The following ITGAE variants were observed in gnomAD, a reference collection of about 807,000 sequenced individuals.
The protein encoded by ITGAE is integrin subunit alpha E, also known as integrin alpha-E.
ITGAE carries 99 observed loss-of-function variants against 136.5 expected under a neutral mutation model. The observed-to-expected ratio is 0.73, with a 90% CI of 0.62 to 0.86. ITGAE has a LOEUF of 0.86. ITGAE is among the 40% of genes least tolerant of loss of function. The pLI is 0.00. For missense variants in ITGAE, 1,447 were observed against 1,515.3 expected (o/e 0.95, Z 0.75); for synonymous variants, 613 against 591.8 (o/e 1.04, Z -0.52).
At chr17:3,725,516 A>G in intron 26 of ITGAE, 1 of 1,614,192 alleles carries the variant, frequency 6.2e-7, no homozygotes, top group Non-Finnish European at 8.5e-7. Context: ...CCCATCAGAA[A>G]ACCTTTGAGG....
At chr17:3,772,786 C>T (rs946398824) in intron 2 of ITGAE, among the ~76,000 whole-genome samples, 1 of 152,060 alleles carries the variant, frequency 6.6e-6, no homozygotes, top group Non-Finnish European at 1.5e-5. Context: ...TTGACTGCAC[C>T]GATGAAACCA....
At chr17:3,784,376 C>T in intron 1 of ITGAE, 1 of 307,490 alleles carries the variant, frequency 3.3e-6, no homozygotes, top group Non-Finnish European at 6.2e-6. Context: ...AAACTCTGTA[C>T]CCAACAATGG....
In ITGAE at chr17:3,743,487, A is replaced by T. The variant is rs764596023; in HGVS notation, c.2448+2T>A. On this transcript the variant is annotated splice_donor_variant, in intron 19 of 30. Coordinates refer to ENST00000263087, the MANE Select transcript of ITGAE (RefSeq NM_002208.5). LOFTEE classifies it high-confidence loss of function. ...CTGGGTACTGGCTGTGGGTAGAGTC[A>T]CCTGGAAGATGGCAAAGGGCTCAGT... The T allele has an allele frequency of 6.3e-7, 1 of 1,591,108 alleles. No homozygotes were observed. The highest frequency in any genetic ancestry group is 1.1e-5 in the South Asian group (1 of 87,842).
In ITGAE at chr17:3,767,093, T is replaced by G. The variant is rs547497012; in HGVS notation, c.156-3133A>C. Among the ~76,000 whole-genome samples, 12 of 142,704 alleles carry G rather than the reference T, an allele frequency of 8.4e-5. No homozygotes were observed. In the East Asian group the frequency reaches 2.4e-3, roughly 28 times the overall value. The allele number at this position is 142,704 out of a possible 152,430, so 93.6% of individuals were successfully genotyped here. ...CCTGTTGGTTCTCTCTCCAAATTCT[T>G]TTTTTTTTTTTTCTTTTTTTGAGAT... is the stretch of plus-strand genomic sequence containing the variant. On this transcript the variant is annotated intron_variant, in intron 2 of 30. Transcript: ENST00000263087.
chr17:3,745,686 G>T, intron 18 of ITGAE, 78 bp downstream of exon 18: 1 of 1,358,994 alleles, frequency 7.4e-7, no homozygotes. Context: ...CTGGGTATGT[G>T]CCCTTCACTG....
chr17:3,796,073 GTGCATCCCTGTGTA>G (rs2053082498), intron 1 of ITGAE, among the ~76,000 whole-genome samples: 1 of 133,696 alleles, frequency 7.5e-6, no homozygotes, highest in Admixed American at 7.4e-5. Flanking sequence ...ATCCGTGTTT[GTGCATCCCTGTGTA>G]TGCATCCGTG....
At chr17:3,734,215 C>T (rs1262071143) in intron 21 of ITGAE, among the ~76,000 whole-genome samples, 1 of 146,648 alleles carries the variant, frequency 6.8e-6, no homozygotes, top group Admixed American at 7.0e-5. Flanking sequence ...GGACTACAGG[C>T]ACCCGCCATC....
intron 1 of ITGAE, among the ~76,000 whole-genome samples, chr17:3,796,121 C>G (rs80153256): frequency 0.71 from 92,559 of 131,104 alleles, 33,476 homozygotes; most frequent in Admixed American, 0.79. Context: ...GTGTGCATCC[C>G]TGTGTGTGCA....
chr17:3,780,004 G>A (rs568670350), intron 1 of ITGAE, among the ~76,000 whole-genome samples: 23 of 151,832 alleles, frequency 1.5e-4, no homozygotes, highest in Middle Eastern at 6.8e-3. Flanking sequence ...ATGGAGTTTC[G>A]CTCTTGTTGC....
intron 8 of ITGAE, 123 bp downstream of exon 8, chr17:3,759,279 G>T: frequency 1.8e-6 from 2 of 1,137,214 alleles, no homozygotes; most frequent in Non-Finnish European, 2.5e-6. Context: ...TTCTCTCTCG[G>T]CCAGGGAAAG....
chr17:3,757,937 A>C, intron 8 of ITGAE, 78 bp from the exon 9 acceptor site: 10 of 1,510,588 alleles, frequency 6.6e-6, no homozygotes, highest in Non-Finnish European at 7.3e-6. Context: ...TTATTCTCTG[A>C]CCTGTATTAG....
rs1246116685 is a variant in ITGAE at position 3,755,802 on chromosome 17, C to G, written c.1239+28G>C. On this transcript the variant is annotated intron_variant, in intron 11 of 30. Coordinates refer to ENST00000263087, the MANE Select transcript of ITGAE (RefSeq NM_002208.5). ...CCTGGGCCCCTCACCAATGGGCAAG[C>G]CTGCCTGGTGCTGAGTCAGCCACGT... 6.4e-6 allele frequency: 10 copies of G among 1,567,600 alleles called. No individual in the cohort carries two copies. The East Asian group carries it at 9.3e-5, about 15-fold the overall frequency.
chr17:3,723,931 C>G (rs751271921), intron 26 of ITGAE, 187 bp from the exon 27 acceptor site: 6 of 1,541,670 alleles, frequency 3.9e-6, no homozygotes, highest in South Asian at 2.4e-5. Flanking sequence ...TGGCGGGTGC[C>G]GGCCATGGCG....
intron 5 of ITGAE, 71 bp from the exon 6 acceptor site, chr17:3,761,248 G>A (rs867307739): frequency 1.3e-5 from 21 of 1,567,706 alleles, no homozygotes; most frequent in African/African-American, 4.1e-5. Context: ...CTCACACATG[G>A]TTCTGCCCTG....
In ITGAE at chr17:3,759,973, G is replaced by A. The variant is rs115487226; in HGVS notation, c.714+199C>T. ...CAGACAAGTAAGTGAGGTCATCTTA[G>A]GCCATCCAGCCCCAGTCAAGCAACC... On this transcript the variant is annotated intron_variant, in intron 7 of 30. Transcript: ENST00000263087. Among the ~76,000 whole-genome samples the A allele has an allele frequency of 1.6e-3, 247 of 152,278 alleles. 2 individuals carry two copies. Among genetic ancestry groups the A allele is most frequent in the African/African-American group, 5.8e-3 (239 of 41,556 alleles).
rs1328045362 is a variant in ITGAE at position 3,731,080 on chromosome 17, T to C, written c.2834+24A>G. On this transcript the variant is annotated intron_variant, in intron 23 of 30. Transcript: ENST00000263087. Reference sequence around the variant, plus strand: ...GTCTTCCGGGGTCATAGCCTGACTCTGCTGTGACCCAGGCAGTACTTACTT... The same window carrying C: ...GTCTTCCGGGGTCATAGCCTGACTCCGCTGTGACCCAGGCAGTACTTACTT... 2.5e-6 allele frequency: 4 copies of C among 1,584,646 alleles called. No individual in the cohort carries two copies. In the African/African-American group the frequency reaches 4.0e-5, roughly 16 times the overall value.
chr17:3,764,855 C>T (rs1286912995), intron 2 of ITGAE, among the ~76,000 whole-genome samples: 1 of 152,180 alleles, frequency 6.6e-6, no homozygotes, highest in Non-Finnish European at 1.5e-5. Flanking sequence ...CCTCAACATT[C>T]TCACCATCCA....
chr17:3,773,432 C>T (rs891184899), intron 2 of ITGAE, among the ~76,000 whole-genome samples: 3 of 151,658 alleles, frequency 2.0e-5, no homozygotes, highest in Admixed American at 1.3e-4. Context: ...TGCAGTGAGC[C>T]GAGAGCATGC....
chr17:3,731,177 C>T lies in ITGAE; in HGVS notation c.2761G>A (p.Val921Ile). 6.2e-7 allele frequency: 1 copy of T among 1,613,476 alleles called. No individual in the cohort carries two copies. The highest frequency in any genetic ancestry group is 8.5e-7 in the Non-Finnish European group (1 of 1,179,522). ...TCCTCTAGCTGCCAAACGACTGAAA[C>T]ATGAGCCTATTTTAAAGGGGGAAAA... Reference protein sequence around the residue: ...HPVLKRSSAHVSVVWQLEENA... With the variant: ...HPVLKRSSAHISVVWQLEENA... Residue 921 changes from valine (V) to isoleucine (I), a missense_variant, in exon 23 of 31, where the codon GTT becomes ATT. Transcript: ENST00000263087.
Sources: gnomAD v4.1 joint callset for allele counts (sites outside exome capture counted in the v4.1 genomes callset) on GRCh38, gnomAD v4.1.1 for gene constraint, MANE v1.5 for transcripts, NCBI Gene and HGNC (gene_info 2026-07-23, HGNC 2026-07-21) for gene names.